Variants in PAXIP1 observed in about 807,000 individuals in gnomAD.
PAXIP1 encodes the protein PAX-interacting protein 1.
Under a neutral mutation model 140.6 loss-of-function variants are expected in PAXIP1, and 19 were observed. The ratio of observed to expected loss-of-function variants is 0.14; its 90% CI spans 0.09 to 0.20. The LOEUF (loss-of-function observed/expected upper bound fraction) is 0.20, where lower values mean the gene tolerates loss of function less well. Among genes scored for constraint, PAXIP1 ranks in the 10% least tolerant of loss-of-function variants. The pLI, the probability that PAXIP1 is intolerant of heterozygous loss-of-function variation, is 1.00. For missense variants in PAXIP1, 920 were observed against 1,208.6 expected (o/e 0.76, Z 3.54); for synonymous variants, 442 against 444.6 (o/e 0.99, Z 0.07).
chr7:154,985,429 C>T (rs927438929), intron 4 of PAXIP1, among the ~76,000 whole-genome samples: 16 of 152,308 alleles, frequency 1.1e-4, no homozygotes, highest in Admixed American at 8.5e-4. Flanking sequence ...CCCATGAGCA[C>T]TGCCCCCACG....
At chr7:154,969,985 G>T (rs1809221248) in intron 6 of PAXIP1, among the ~76,000 whole-genome samples, 1 of 152,212 alleles carries the variant, frequency 6.6e-6, no homozygotes. Flanking sequence ...CAATGACAGG[G>T]AATAAGCTGA....
At chr7:154,983,148 CAA>C (rs200088452) in intron 5 of PAXIP1, 69 bp downstream of exon 5, 2 of 722,260 alleles carry the variant, frequency 2.8e-6, no homozygotes, top group African/African-American at 1.8e-5. Context: ...AAAAGAAGCT[CAA>C]AAAAGACATG....
Position 154,998,633 on chromosome 7 carries a change from T to G in PAXIP1, c.216+17A>C. 1 of 1,604,232 alleles carries G rather than the reference T, an allele frequency of 6.2e-7. No homozygotes were observed. The highest frequency in any genetic ancestry group is 8.5e-7 in the Non-Finnish European group (1 of 1,173,356). On this transcript the variant is annotated intron_variant, in intron 2 of 20. Coordinates refer to ENST00000404141, the MANE Select transcript of PAXIP1 (RefSeq NM_007349.4). ...TACTGAGGAAAAGATATAAAACAAA[T>G]TATGTTTACTACTGACCTTTACAAC...
At chr7:154,978,761 A>G (rs1167133397) in intron 5 of PAXIP1, among the ~76,000 whole-genome samples, 3 of 152,236 alleles carry the variant, frequency 2.0e-5, no homozygotes. Context: ...AAATAGTAAA[A>G]TATGAAAAAA....
chr7:154,981,579 T>C (rs755541417), intron 5 of PAXIP1, among the ~76,000 whole-genome samples: 12 of 152,224 alleles, frequency 7.9e-5, no homozygotes, highest in Non-Finnish European at 1.6e-4. Flanking sequence ...TAATACATTA[T>C]ATATATCACG....
chr7:155,000,794 C>T (rs1174544773), intron 1 of PAXIP1: 1 of 152,208 alleles, frequency 6.6e-6, no homozygotes, highest in African/African-American at 2.4e-5. Flanking sequence ...GTATCCCAAA[C>T]GCATGAATGC....
chr7:154,985,978 G>A, intron 4 of PAXIP1: 1 of 1,340,322 alleles, frequency 7.5e-7, no homozygotes, highest in Non-Finnish European at 1.0e-6. Flanking sequence ...ACCTAGCCAG[G>A]CTCTCCATTA....
Position 154,963,735 on chromosome 7 carries a change from G to C in PAXIP1, c.1925C>G (p.Pro642Arg). ...IIQAHGGTVDPTFTSRCTHLL... is the reference protein window; with the variant it reads ...IIQAHGGTVDRTFTSRCTHLL... The stretch of plus-strand genomic sequence containing the variant: ...GTGCGTGCATCGACTCGTGAAGGTG[G>C]GGTCAACAGTGCCGCCATGTGCCTG... Residue 642 changes from proline to arginine, a missense_variant, in exon 9 of 21, where the codon CCC (proline) becomes CGC (arginine). Physicochemically the swap from Pro to Arg is moderately radical, Grantham distance 103. This residue lies in a region of PAXIP1 where 62 missense variants were observed against 69.0 expected (regional missense o/e 0.90). Transcript: ENST00000404141. This position sits in a 1 kb window ranked among gnomAD's most constrained non-coding sequence, Gnocchi z 4.1. 6.2e-7 allele frequency: 1 copy of C among 1,613,516 alleles called. No homozygotes were observed. Among genetic ancestry groups the C allele is most frequent in the South Asian group, 1.1e-5 (1 of 90,890 alleles).
intron 3 of PAXIP1, among the ~76,000 whole-genome samples, 161 bp downstream of exon 3, chr7:154,993,565 T>C (rs139574438): frequency 2.6e-5 from 4 of 152,228 alleles, no homozygotes; most frequent in East Asian, 1.9e-4. Context: ...ATCAGGTACA[T>C]AAAATTTGAA....
rs1228574013 is a variant in PAXIP1 at position 154,973,651 on chromosome 7, A to G, written c.1074+2045T>C. Among the ~76,000 whole-genome samples, 1 of 152,168 alleles carries G rather than the reference A, an allele frequency of 6.6e-6. No individual in the cohort carries two copies. The highest frequency in any genetic ancestry group is 1.5e-5 in the Non-Finnish European group (1 of 68,038). ...TGCTTAGGTGGAGGGGAGGGGAGAC[A>G]AAGATTTTGTCTGTCCCACAGCATT... is the stretch of plus-strand genomic sequence containing the variant. On this transcript the variant is annotated intron_variant, in intron 6 of 20. Transcript: ENST00000404141. The surrounding 1 kb of genome is among the most constrained non-coding windows in gnomAD (Gnocchi z 4.0).
chr7:154,998,790 A>G lies in PAXIP1; in HGVS notation c.82-6T>C, dbSNP rs938975339. The G allele has an allele frequency of 5.6e-6, 9 of 1,606,770 alleles. No homozygotes were observed. The African/African-American group carries it at 1.1e-4, about 19-fold the overall frequency. ...GCCTTGAGAAGCTGAATAACCTAAA[A>G]AACAAGAAAATCCACACAAATTAAA... On this transcript the variant is annotated splice_region_variant and splice_polypyrimidine_tract_variant and intron_variant, in intron 1 of 20. Transcript: ENST00000404141.
intron 3 of PAXIP1, 85 bp downstream of exon 3, chr7:154,993,641 C>CTACT: frequency 9.8e-7 from 1 of 1,021,284 alleles, no homozygotes; most frequent in Non-Finnish European, 1.5e-6. Flanking sequence ...AATGAATCCA[C>CTACT]TTTTCACTCC....
chr7:154,958,330 G>T (rs964022695), intron 13 of PAXIP1, among the ~76,000 whole-genome samples: 16 of 152,212 alleles, frequency 1.1e-4, no homozygotes, highest in African/African-American at 3.9e-4. Flanking sequence ...CAACTCAGAG[G>T]TTCTTTGACT....
At position 155,002,775 on chromosome 7, in the gene PAXIP1, G is replaced by A. The variant is rs1374850040; in HGVS notation, c.81+74C>T. On this transcript the variant is annotated intron_variant, in intron 1 of 20. Coordinates refer to ENST00000404141, the MANE Select transcript of PAXIP1 (RefSeq NM_007349.4). ...CCGGCGCGCGCCCGCGGCAGGAGCG[G>A]GGACGGGGACGGGGACGGGGACGGA... The A allele has an allele frequency of 2.8e-5, 20 of 711,848 alleles. 1 individual carries two copies. The highest frequency in any genetic ancestry group is 3.4e-5 in the Non-Finnish European group (19 of 559,936). The allele number at this position is 711,848 out of a possible 1,614,324, so 44.1% of individuals were successfully genotyped here.
At chr7:154,967,962 T>G in intron 7 of PAXIP1, 52 bp from the exon 8 acceptor site, 2 of 1,199,928 alleles carry the variant, frequency 1.7e-6, no homozygotes, top group South Asian at 1.4e-5. Context: ...TGAATATGCT[T>G]GCACAAAAGT....
At position 154,946,206 on chromosome 7, in the gene PAXIP1, T is replaced by A; in HGVS notation, c.3194+159A>T. On this transcript the variant is annotated intron_variant, in intron 20 of 20. Coordinates refer to ENST00000404141, the MANE Select transcript of PAXIP1 (RefSeq NM_007349.4). The surrounding 1 kb of genome is among the most constrained non-coding windows in gnomAD (Gnocchi z 4.9). ...AGAATATTTTTACTAGCAACTCAAA[T>A]GAATATTCTGAAGAGAAAAGAATTG... The A allele has an allele frequency of 1.0e-6, 1 of 984,454 alleles. No homozygotes were observed. Among genetic ancestry groups the A allele is most frequent in the Non-Finnish European group, 1.2e-6 (1 of 829,080 alleles). 61.0% of individuals were successfully genotyped at this position (984,454 alleles called of 1,614,324 possible). A position where few individuals can be genotyped will look rare whatever the true frequency, so the allele number is the denominator to read the frequency against.
intron 6 of PAXIP1, 143 bp from the exon 7 acceptor site, chr7:154,969,269 A>G: frequency 1.2e-6 from 1 of 854,878 alleles, no homozygotes; most frequent in Non-Finnish European, 1.7e-6. Flanking sequence ...AACTGCAAAA[A>G]CAATACTGCA....
rs201291582 is a variant in PAXIP1 at position 154,955,658 on chromosome 7, T to C, written c.2550-27A>G. ...TGTGGAAGAAATACACATAAAATAG[T>C]AGTGATTTCATATTTACTTACAATG... On this transcript the variant is annotated intron_variant, in intron 14 of 20. Transcript: ENST00000404141. 70 of 1,238,658 alleles carry C rather than the reference T, an allele frequency of 5.7e-5. No homozygotes were observed. The Middle Eastern group carries it at 1.6e-3, about 28-fold the overall frequency. The allele number at this position is 1,238,658 out of a possible 1,614,324, so 76.7% of individuals were successfully genotyped here. A position where few individuals can be genotyped will look rare whatever the true frequency, so the allele number is the denominator to read the frequency against.
intron 16 of PAXIP1, among the ~76,000 whole-genome samples, chr7:154,953,245 C>T (rs138016909): frequency 6.6e-6 from 1 of 152,132 alleles, no homozygotes; most frequent in African/African-American, 2.4e-5. Flanking sequence ...TATCTTTCTG[C>T]TTAAGGGGTC....
Sources: gnomAD v4.1 joint callset for allele counts (sites outside exome capture counted in the v4.1 genomes callset) on GRCh38, gnomAD v4.1.1 for gene constraint, gnomAD v4.1.1 regional missense constraint, Gnocchi (gnomAD v3.1) non-coding constraint, MANE v1.5 for transcripts, NCBI Gene and HGNC (gene_info 2026-07-23, HGNC 2026-07-21) for gene names.